Variants in SP4 observed in about 807,000 individuals in gnomAD.
SP4 encodes transcription factor Sp4.
Under a neutral mutation model 72.8 loss-of-function variants are expected in SP4, and 19 were observed. The observed-to-expected ratio is 0.26, with a 90% CI of 0.18 to 0.38. The LOEUF (loss-of-function observed/expected upper bound fraction) is 0.38. SP4 is among the 10% of genes least tolerant of loss of function. The probability of loss-of-function intolerance (pLI) is 1.00; values close to 1 mark genes in which losing one functional copy is unlikely to be tolerated. For missense variants in SP4, 1,008 were observed against 926.3 expected (o/e 1.09, Z -1.14); for synonymous variants, 395 against 333.1 (o/e 1.19, Z -2.02).
At chr7:21,491,696 G>T (rs1784983442) in intron 5 of SP4, among the ~76,000 whole-genome samples, 1 of 152,204 alleles carries the variant, frequency 6.6e-6, no homozygotes, top group African/African-American at 2.4e-5. Flanking sequence ...AATTATGGCG[G>T]ATTTCTTCTT....
intron 3 of SP4, among the ~76,000 whole-genome samples, chr7:21,446,295 A>G (rs1381304324): frequency 2.0e-5 from 3 of 152,196 alleles, no homozygotes; most frequent in Non-Finnish European, 4.4e-5. Flanking sequence ...TTGAAATCAA[A>G]GTACTTAGAC....
At chr7:21,441,263 T>C (rs934320227) in intron 3 of SP4, among the ~76,000 whole-genome samples, 2 of 152,176 alleles carry the variant, frequency 1.3e-5, no homozygotes, top group African/African-American at 4.8e-5. Context: ...TGAGTCAAGC[T>C]GCTAAACTTG....
chr7:21,477,697 C>T (rs1784548170), intron 4 of SP4, among the ~76,000 whole-genome samples: 1 of 152,030 alleles, frequency 6.6e-6, no homozygotes, highest in Non-Finnish European at 1.5e-5. Flanking sequence ...CCCGCCACCA[C>T]ACCCGGCTAG....
At chr7:21,443,033 G>A (rs1415877812) in intron 3 of SP4, among the ~76,000 whole-genome samples, 1 of 152,210 alleles carries the variant, frequency 6.6e-6, no homozygotes, top group Non-Finnish European at 1.5e-5. Flanking sequence ...ACCATGCCTG[G>A]CTCAATTAGT....
At chr7:21,488,764 C>G (rs757316991) in intron 5 of SP4, among the ~76,000 whole-genome samples, 12 of 150,078 alleles carry the variant, frequency 8.0e-5, no homozygotes, top group Non-Finnish European at 1.2e-4. Flanking sequence ...GACCCCGTCT[C>G]TTAAAAAAAA....
chr7:21,482,549 A>T, intron 5 of SP4: 1 of 508,746 alleles, frequency 2.0e-6, no homozygotes, highest in African/African-American at 2.1e-5. Context: ...TAAACATCTA[A>T]CAACCCTCAG....
chr7:21,485,306 G>A (rs759940055), intron 5 of SP4, among the ~76,000 whole-genome samples: 2 of 151,822 alleles, frequency 1.3e-5, no homozygotes, highest in African/African-American at 4.8e-5. Flanking sequence ...TGTATTCACT[G>A]CTGAAAATAG....
intron 3 of SP4, among the ~76,000 whole-genome samples, chr7:21,464,288 G>A (rs1193410043): frequency 6.6e-6 from 1 of 151,886 alleles, no homozygotes; most frequent in East Asian, 1.9e-4. Flanking sequence ...AGTGGAGACA[G>A]GGTTTCACTG....
rs1014080158 is a variant in SP4, at chr7:21,502,046, C to A, written c.2108-8976C>A. On this transcript the variant is annotated intron_variant, in intron 5 of 5. Coordinates refer to ENST00000222584, the MANE Select transcript of SP4 (RefSeq NM_003112.5). The stretch of plus-strand genomic sequence containing the variant: ...GGCCTTAAATTCATTAGGCACCCCC[C>A]CCCCCCCGGAACTCCTATAGAGTTA... Among the ~76,000 whole-genome samples the A allele has an allele frequency of 1.7e-4, 19 of 111,734 alleles. 1 individual carries two copies. Among genetic ancestry groups the A allele is most frequent in the Non-Finnish European group, 3.2e-4 (17 of 53,632 alleles). The allele number at this position is 111,734 out of a possible 152,430, so 73.3% of individuals were successfully genotyped here. A position where few individuals can be genotyped will look rare whatever the true frequency, so the allele number is the denominator to read the frequency against.
intron 3 of SP4, among the ~76,000 whole-genome samples, chr7:21,440,318 G>A (rs944847991): frequency 1.3e-5 from 2 of 152,172 alleles, no homozygotes; most frequent in African/African-American, 2.4e-5. Flanking sequence ...TTTGAATAAT[G>A]TAAAGAAAAC....
intron 5 of SP4, among the ~76,000 whole-genome samples, chr7:21,505,725 A>G (rs1781978830): frequency 1.3e-5 from 2 of 152,192 alleles, no homozygotes; most frequent in African/African-American, 4.8e-5. Context: ...AGTTTGATTT[A>G]TAGCCCTTAG....
Position 21,430,575 on chromosome 7 carries a change from A to G in SP4, c.1410A>G (p.Gln470=), listed in dbSNP as rs563375822. The change falls in exon 3 of 6, where the codon CAA becomes CAG. Residue 470 remains glutamine (Q), a synonymous_variant. Coordinates refer to ENST00000222584, the MANE Select transcript of SP4 (RefSeq NM_003112.5). ...TLTPSGQISW[Q]TVQVQNIQSL... is the part of the protein sequence containing the mutation. ...CACCTTCAGGGCAAATCAGTTGGCA[A>G]ACTGTACAGGTTCAGAATATTCAGA... 6.2e-7 allele frequency: 1 copy of G among 1,614,226 alleles called. No individual in the cohort carries two copies. Among genetic ancestry groups the G allele is most frequent in the East Asian group, 2.2e-5 (1 of 44,878 alleles).
chr7:21,463,573 C>G (rs1446570352), intron 3 of SP4, among the ~76,000 whole-genome samples: 1 of 152,122 alleles, frequency 6.6e-6, no homozygotes, highest in African/African-American at 2.4e-5. Flanking sequence ...GTCCACATAA[C>G]TAGGGAACAA....
In SP4 at chr7:21,477,065, T is replaced by C; in HGVS notation, c.1679-14T>C. On this transcript the variant is annotated splice_polypyrimidine_tract_variant and intron_variant, in intron 3 of 5. Transcript: ENST00000222584. ...GAAAACATTACAATACTTCTTTTTT[T>C]TCTTCCTTTTTAGGTCAGCAGCAAG... is the stretch of plus-strand genomic sequence containing the variant. 6.3e-7 allele frequency: 1 copy of C among 1,596,740 alleles called. No homozygotes were observed. The highest frequency in any genetic ancestry group is 2.2e-5 in the East Asian group (1 of 44,760).
chr7:21,428,679 C>CAGA lies in SP4; in HGVS notation c.16_18dup (p.Lys6dup), dbSNP rs752983130. 7.8e-6 allele frequency: 12 copies of CAGA among 1,548,188 alleles called. No homozygotes were observed. Among genetic ancestry groups the CAGA allele is most frequent in the African/African-American group, 5.5e-5 (4 of 72,890 alleles). ...TGTGGTGGGGGGGTTTGTTGCAGAT[C>CAGA]AGAAGAAGGAGGAGGAGGAGGAGGC... is the stretch of plus-strand genomic sequence containing the variant. On this transcript the variant is annotated inframe_insertion, in exon 2 of 6. Coordinates refer to ENST00000222584, the MANE Select transcript of SP4 (RefSeq NM_003112.5).
At chr7:21,496,307 G>C (rs1333819954) in intron 5 of SP4, among the ~76,000 whole-genome samples, 1 of 152,224 alleles carries the variant, frequency 6.6e-6, no homozygotes, top group East Asian at 1.9e-4. Context: ...AGAGACTACA[G>C]TGTAAAAAGG....
At chr7:21,497,781 A>G (rs1418732063) in intron 5 of SP4, among the ~76,000 whole-genome samples, 2 of 152,230 alleles carry the variant, frequency 1.3e-5, no homozygotes, top group Admixed American at 1.3e-4. Context: ...AGTGGATTAA[A>G]TAGCCTAAAT....
chr7:21,455,730 G>T (rs1451656699), intron 3 of SP4, among the ~76,000 whole-genome samples: 1 of 152,140 alleles, frequency 6.6e-6, no homozygotes, highest in African/African-American at 2.4e-5. Context: ...TAATCTGTTA[G>T]CCTGGAACCA....
In SP4 at chr7:21,429,886, C is replaced by G. The variant is rs139491266; in HGVS notation, c.721C>G (p.Leu241Val). Residue 241 changes from leucine to valine, a missense_variant, in exon 3 of 6, where the codon CTG becomes GTG. Around this residue, in one of 3 missense-constraint regions of SP4, gnomAD observed 893 missense variants for 743.3 expected, o/e 1.20. Coordinates refer to ENST00000222584, the MANE Select transcript of SP4 (RefSeq NM_003112.5). ...AATTAGACCTGGTGTTTCAATACCA[C>G]TGCAGTTACAGACTCTTCCTGGTAC... Reference protein sequence around the residue: ...VQIRPGVSIPLQLQTLPGTQA... With the variant: ...VQIRPGVSIPVQLQTLPGTQA... 3,600 of 1,613,918 alleles carry G rather than the reference C, an allele frequency of 2.2e-3. 100 individuals carry two copies. The Admixed American group carries it at 0.048, about 22-fold the overall frequency.
Sources: allele counts gnomAD v4.1 joint callset (sites outside exome capture counted in the v4.1 genomes callset), GRCh38; gene constraint gnomAD v4.1.1; regional missense constraint gnomAD v4.1.1; transcripts MANE v1.5; gene names NCBI Gene and HGNC (gene_info 2026-07-23, HGNC 2026-07-21).